Variants in ZFHX3 observed in about 807,000 individuals in gnomAD.
ZFHX3 encodes zinc finger homeobox 3.
A neutral mutation model predicts 279.1 loss-of-function variants in ZFHX3; 42 were observed. The observed-to-expected ratio is 0.15, with a 90% CI of 0.12 to 0.19. The LOEUF (loss-of-function observed/expected upper bound fraction) is 0.19. ZFHX3 is among the 10% of genes least tolerant of loss of function. The probability of loss-of-function intolerance (pLI) is 1.00; values close to 1 mark genes in which losing one functional copy is unlikely to be tolerated. For missense variants in ZFHX3, 4,981 were observed against 4,754.0 expected (o/e 1.05, Z -1.40); for synonymous variants, 2,293 against 1,957.8 (o/e 1.17, Z -4.52).
In ZFHX3 at chr16:72,787,743, A is replaced by G. The variant is rs367610293; in HGVS notation, c.10533T>C (p.Gly3511=). The G allele has an allele frequency of 1.3e-3, 1,759 of 1,374,080 alleles. 12 individuals carry two copies. The highest frequency in any genetic ancestry group is 0.011 in the East Asian group (376 of 35,136). The allele number at this position is 1,374,080 out of a possible 1,614,324, so 85.1% of individuals were successfully genotyped here. The change falls in exon 10 of 10, where the codon GGT becomes GGC. Residue 3511 remains glycine, a synonymous_variant. Coordinates refer to ENST00000268489, the MANE Select transcript of ZFHX3 (RefSeq NM_006885.4). ...CACCGCCGCCGCCGCCGCCACTGCC[A>G]CCGCCGCCGCCGCCGGTGGGGACGT... ...VLHVPTGGGG[G]GSGGGGGGGG...
At chr16:73,226,829 GT>G (rs2012608480) in intron 5 of ZFHX3, among the ~76,000 whole-genome samples, 1 of 152,212 alleles carries the variant, frequency 6.6e-6, no homozygotes, top group Non-Finnish European at 1.5e-5. Context: ...GCTAGTCAGT[GT>G]GAAGCAGAGG....
intron 5 of ZFHX3, among the ~76,000 whole-genome samples, chr16:72,824,360 T>C (rs767810505): frequency 5.9e-5 from 9 of 152,188 alleles, no homozygotes; most frequent in Non-Finnish European, 8.8e-5. Flanking sequence ...ACTGCACTAA[T>C]TGCTGTGTTA....
chr16:73,496,040 A>C (rs2019135708), intron 2 of ZFHX3, among the ~76,000 whole-genome samples: 1 of 152,208 alleles, frequency 6.6e-6, no homozygotes, highest in Non-Finnish European at 1.5e-5. Flanking sequence ...TTAGTTTAGA[A>C]TTTGCAGACT....
intron 4 of ZFHX3, among the ~76,000 whole-genome samples, chr16:73,295,368 G>A (rs745578126): frequency 6.6e-6 from 1 of 152,196 alleles, no homozygotes; most frequent in Admixed American, 6.5e-5. Flanking sequence ...GTTAGAAAAC[G>A]AAACTTGGTA....
intron 4 of ZFHX3, among the ~76,000 whole-genome samples, chr16:72,850,938 G>C (rs1482623347): frequency 6.6e-6 from 1 of 152,080 alleles, no homozygotes; most frequent in East Asian, 1.9e-4. Flanking sequence ...AGATGGGGTT[G>C]GGGGGAGAAA....
At chr16:72,854,524 C>T (rs1328781985) in intron 4 of ZFHX3, among the ~76,000 whole-genome samples, 1 of 152,152 alleles carries the variant, frequency 6.6e-6, no homozygotes, top group Non-Finnish European at 1.5e-5. Flanking sequence ...CATTCTGGCT[C>T]TTCACTATTT....
At chr16:73,632,214 A>C (rs1004491461) in intron 2 of ZFHX3, among the ~76,000 whole-genome samples, 1 of 152,186 alleles carries the variant, frequency 6.6e-6, no homozygotes, top group Non-Finnish European at 1.5e-5. Context: ...TGTTCTGGGC[A>C]TGGGGTTAGA....
intron 3 of ZFHX3, among the ~76,000 whole-genome samples, chr16:72,936,484 T>C (rs1377785931): frequency 6.6e-6 from 1 of 152,122 alleles, no homozygotes; most frequent in Non-Finnish European, 1.5e-5. Context: ...TGTAGCTCCT[T>C]GAGACTGGGT....
chr16:72,859,019 C>T (rs542139442), intron 4 of ZFHX3, among the ~76,000 whole-genome samples: 5 of 152,324 alleles, frequency 3.3e-5, no homozygotes, highest in African/African-American at 7.2e-5. Context: ...CTGGCCAGCA[C>T]GGGGTATTCC....
At chr16:73,680,554 G>A (rs1044246924) in intron 1 of ZFHX3, among the ~76,000 whole-genome samples, 5 of 152,054 alleles carry the variant, frequency 3.3e-5, no homozygotes, top group East Asian at 3.8e-4. Context: ...AATATTAACC[G>A]GTTACATTTT....
intron 1 of ZFHX3, among the ~76,000 whole-genome samples, chr16:73,700,634 A>T (rs2053237952): frequency 6.6e-6 from 1 of 152,248 alleles, no homozygotes; most frequent in Non-Finnish European, 1.5e-5. Context: ...TTGGATAAAC[A>T]GATATTTAAA....
intron 2 of ZFHX3, among the ~76,000 whole-genome samples, chr16:73,475,410 G>A (rs1008765103): frequency 6.6e-6 from 1 of 152,070 alleles, no homozygotes; most frequent in African/African-American, 2.4e-5. Flanking sequence ...ACCGTTAGCA[G>A]AACAATACTG....
chr16:73,433,212 C>G (rs553705972), intron 3 of ZFHX3, among the ~76,000 whole-genome samples: 2 of 152,200 alleles, frequency 1.3e-5, no homozygotes, highest in African/African-American at 4.8e-5. Flanking sequence ...CTCCAGACAG[C>G]GGCATGTCCC....
chr16:73,007,598 C>T (rs1048887008), intron 1 of ZFHX3, among the ~76,000 whole-genome samples: 1 of 152,078 alleles, frequency 6.6e-6, no homozygotes, highest in Admixed American at 6.6e-5. Flanking sequence ...GGGTGCCCAC[C>T]ACCGCACCCG....
At chr16:73,029,216 A>G (rs1478432782) in intron 1 of ZFHX3, among the ~76,000 whole-genome samples, 1 of 152,184 alleles carries the variant, frequency 6.6e-6, no homozygotes, top group Non-Finnish European at 1.5e-5. Flanking sequence ...TGGGACCCCA[A>G]GGCCCCTTCT....
At chr16:73,274,437 A>G (rs1021058136) in intron 4 of ZFHX3, among the ~76,000 whole-genome samples, 2 of 152,194 alleles carry the variant, frequency 1.3e-5, no homozygotes, top group African/African-American at 4.8e-5. Context: ...TGCCCTCTTC[A>G]GTATGCTGAG....
At chr16:73,674,405 TAA>T (rs1179346533) in intron 2 of ZFHX3, among the ~76,000 whole-genome samples, 2 of 152,172 alleles carry the variant, frequency 1.3e-5, no homozygotes, top group Non-Finnish European at 2.9e-5. Flanking sequence ...TCAGGAAGAC[TAA>T]AAATCAATTG....
chr16:73,682,894 GAAAGAAAGAAA>G (rs1567550523), intron 1 of ZFHX3, among the ~76,000 whole-genome samples: 1 of 41,044 alleles, frequency 2.4e-5, no homozygotes, highest in Admixed American at 3.0e-4. Context: ...AAGAAAGAAA[GAAAGAAAGAAA>G]GAGAAAGAAA....
At chr16:73,572,723 G>A (rs2051754988) in intron 2 of ZFHX3, among the ~76,000 whole-genome samples, 1 of 152,158 alleles carries the variant, frequency 6.6e-6, no homozygotes, top group African/African-American at 2.4e-5. Context: ...TCACAGGCAA[G>A]GCAGACAGAT....
Sources: gnomAD v4.1 joint callset for allele counts (sites outside exome capture counted in the v4.1 genomes callset) on GRCh38, gnomAD v4.1.1 for gene constraint, MANE v1.5 for transcripts, NCBI Gene and HGNC (gene_info 2026-07-23, HGNC 2026-07-21) for gene names.